Variants in SLC1A1 observed in about 807,000 individuals in gnomAD.
SLC1A1 encodes solute carrier family 1 member 1, also known as excitatory amino acid transporter 3.
A neutral mutation model predicts 53.3 loss-of-function variants in SLC1A1; 43 were observed. The observed-to-expected ratio is 0.81, with a 90% confidence interval of 0.63 to 1.04. The LOEUF (loss-of-function observed/expected upper bound fraction) is 1.04, where lower values mean the gene tolerates loss of function less well. Among genes scored for constraint, SLC1A1 ranks in the 50% least tolerant of loss-of-function variants. The probability of loss-of-function intolerance (pLI) is 0.00; values close to 1 mark genes in which losing one functional copy is unlikely to be tolerated. For missense variants in SLC1A1, 748 were observed against 664.9 expected (o/e 1.12, Z -1.37); for synonymous variants, 307 against 243.2 (o/e 1.26, Z -2.44).
chr9:4,561,350 G>A lies in SLC1A1; in HGVS notation c.233-99G>A, dbSNP rs142783490. The A allele has an allele frequency of 1.7e-3, 1,370 of 790,736 alleles. 11 individuals carry two copies. In the African/African-American group the frequency reaches 0.018, roughly 10 times the overall value. The allele number at this position is 790,736 out of a possible 1,614,324, so 49.0% of individuals were successfully genotyped here. A position where few individuals can be genotyped will look rare whatever the true frequency, so the allele number is the denominator to read the frequency against. On this transcript the variant is annotated intron_variant, in intron 2 of 11. Coordinates refer to ENST00000262352, the MANE Select transcript of SLC1A1 (RefSeq NM_004170.6). Reference sequence around the variant, plus strand: ...TTGCCCATTGTCTGTAGATGAGAACGCCTCTCAGCTCTTTATTTCACAACC... The same window carrying A: ...TTGCCCATTGTCTGTAGATGAGAACACCTCTCAGCTCTTTATTTCACAACC...
intron 5 of SLC1A1, among the ~76,000 whole-genome samples, chr9:4,566,329 A>G (rs1564049270): frequency 1.3e-5 from 2 of 152,180 alleles, no homozygotes; most frequent in African/African-American, 2.4e-5. Context: ...TTTTCCCCCA[A>G]AAAGGCTCAA....
At chr9:4,515,324 G>T (rs1206601342) in intron 1 of SLC1A1, among the ~76,000 whole-genome samples, 1 of 152,186 alleles carries the variant, frequency 6.6e-6, no homozygotes, top group Non-Finnish European at 1.5e-5. Context: ...GATGGGAAGA[G>T]TATCAGATAT....
intron 1 of SLC1A1, among the ~76,000 whole-genome samples, chr9:4,533,702 C>T (rs1340834721): frequency 6.6e-6 from 1 of 152,152 alleles, no homozygotes; most frequent in Non-Finnish European, 1.5e-5. Context: ...CTCAGCTCTG[C>T]ACCAAGCAGA....
In SLC1A1 at chr9:4,586,531, T is replaced by C. The variant is rs1821586586; in HGVS notation, c.*973T>C. ...GCCTGGAGGGAATCCATATCAGCTC[T>C]GCATAAGATTATATACAAAGCTGTC... On this transcript the variant is annotated 3_prime_UTR_variant, in exon 12 of 12. Transcript: ENST00000262352. 2 of 152,224 alleles carry C rather than the reference T, an allele frequency of 1.3e-5. No homozygotes were observed. Among genetic ancestry groups the C allele is most frequent in the Admixed American group, 1.3e-4 (2 of 15,276 alleles). 9.4% of individuals were successfully genotyped at this position (152,224 alleles called of 1,614,324 possible).
chr9:4,540,231 A>T (rs986468184), intron 1 of SLC1A1, among the ~76,000 whole-genome samples: 1 of 152,018 alleles, frequency 6.6e-6, no homozygotes, highest in Non-Finnish European at 1.5e-5. Flanking sequence ...CTGGGGGAAG[A>T]TTATCCCGCT....
At chr9:4,582,935 G>C in intron 10 of SLC1A1, 103 bp from the exon 11 acceptor site, 1 of 1,423,574 alleles carries the variant, frequency 7.0e-7, no homozygotes. Context: ...TAGGGACACA[G>C]CAGTAATAGC....
At chr9:4,579,994 G>T (rs1039852077) in intron 10 of SLC1A1, among the ~76,000 whole-genome samples, 4 of 152,142 alleles carry the variant, frequency 2.6e-5, no homozygotes, top group Admixed American at 2.6e-4. Context: ...ACCTAAGTGG[G>T]TGAATCACTT....
intron 1 of SLC1A1, among the ~76,000 whole-genome samples, chr9:4,543,767 A>G (rs1284629941): frequency 2.6e-5 from 4 of 152,250 alleles, no homozygotes; most frequent in Non-Finnish European, 5.9e-5. Context: ...TCAATAGGCT[A>G]TTATATTCCT....
chr9:4,582,920 C>T lies in SLC1A1; in HGVS notation c.1194-118C>T, dbSNP rs1821234143. On this transcript the variant is annotated intron_variant, in intron 10 of 11. Coordinates refer to ENST00000262352, the MANE Select transcript of SLC1A1 (RefSeq NM_004170.6). ...CAGCAAGTCACAGATTCTAACTACCCAATTTAGGGACACAGCAGTAATAGC... is the reference window on the plus strand; with the variant it reads ...CAGCAAGTCACAGATTCTAACTACCTAATTTAGGGACACAGCAGTAATAGC... 2.3e-6 allele frequency: 3 copies of T among 1,320,636 alleles called. No individual in the cohort carries two copies. The South Asian group carries it at 3.5e-5, about 16-fold the overall frequency. 81.8% of individuals were successfully genotyped at this position (1,320,636 alleles called of 1,614,324 possible).
intron 2 of SLC1A1, among the ~76,000 whole-genome samples, chr9:4,546,653 T>C (rs1817519099): frequency 6.6e-6 from 1 of 152,192 alleles, no homozygotes; most frequent in South Asian, 2.1e-4. Context: ...CTTCTCCATA[T>C]CAAAGATTCT....
intron 1 of SLC1A1, among the ~76,000 whole-genome samples, chr9:4,498,471 G>T (rs1001413263): frequency 2.0e-5 from 3 of 151,900 alleles, no homozygotes; most frequent in African/African-American, 7.3e-5. Flanking sequence ...AAAATGACAG[G>T]AATAGCCTAG....
In SLC1A1 at chr9:4,556,634, G is replaced by T. The variant is rs758333039; in HGVS notation, c.233-4815G>T. Among the ~76,000 whole-genome samples, 16 of 152,152 alleles carry T rather than the reference G, an allele frequency of 1.1e-4. No individual in the cohort carries two copies. The highest frequency in any genetic ancestry group is 4.1e-4 in the South Asian group (2 of 4,826). ...TTTTACTTGTTTGGGACTAAGTTGG[G>T]CCTGATCTTCGACGTCAACGCCAGT... On this transcript the variant is annotated intron_variant, in intron 2 of 11. Coordinates refer to ENST00000262352, the MANE Select transcript of SLC1A1 (RefSeq NM_004170.6). The surrounding 1 kb of genome is among the most constrained non-coding windows in gnomAD (Gnocchi z 4.1).
chr9:4,493,958 G>C (rs1244228750), intron 1 of SLC1A1, among the ~76,000 whole-genome samples: 1 of 152,128 alleles, frequency 6.6e-6, no homozygotes, highest in African/African-American at 2.4e-5. Context: ...GAAATGCTAA[G>C]AACTAAACAT....
intron 2 of SLC1A1, among the ~76,000 whole-genome samples, chr9:4,560,829 C>T (rs1818863326): frequency 6.6e-6 from 1 of 152,030 alleles, no homozygotes; most frequent in East Asian, 1.9e-4. Flanking sequence ...AACCTCATCT[C>T]TACTAACAAT....
chr9:4,528,101 T>C (rs1261007939), intron 1 of SLC1A1, among the ~76,000 whole-genome samples: 1 of 152,270 alleles, frequency 6.6e-6, no homozygotes, highest in Non-Finnish European at 1.5e-5. Context: ...ATTAGGAGCA[T>C]GGACACTTTG....
chr9:4,572,008 G>A (rs569986886), intron 6 of SLC1A1, among the ~76,000 whole-genome samples, 196 bp from the exon 7 acceptor site: 4 of 152,196 alleles, frequency 2.6e-5, no homozygotes, highest in Non-Finnish European at 4.4e-5. Context: ...TTTTAACTTC[G>A]GGGAGCAAGG....
intron 1 of SLC1A1, among the ~76,000 whole-genome samples, chr9:4,502,581 G>A (rs2130801882): frequency 6.6e-6 from 1 of 151,362 alleles, no homozygotes; most frequent in East Asian, 1.9e-4. Flanking sequence ...ATGAGTTAGG[G>A]GGTTCCCATT....
chr9:4,570,055 G>A (rs977310824), intron 6 of SLC1A1, among the ~76,000 whole-genome samples: 6 of 152,156 alleles, frequency 3.9e-5, no homozygotes, highest in Non-Finnish European at 7.4e-5. Context: ...GTGCATGATC[G>A]TTTTTGCCTT....
chr9:4,528,088 G>T (rs1816327663), intron 1 of SLC1A1, among the ~76,000 whole-genome samples: 1 of 152,124 alleles, frequency 6.6e-6, no homozygotes, highest in Admixed American at 6.5e-5. Context: ...TTATGCCAGG[G>T]ATATTAGGAG....
Sources: allele counts gnomAD v4.1 joint callset (sites outside exome capture counted in the v4.1 genomes callset), GRCh38; gene constraint gnomAD v4.1.1; non-coding constraint Gnocchi (gnomAD v3.1); transcripts MANE v1.5; gene names NCBI Gene and HGNC (gene_info 2026-07-23, HGNC 2026-07-21).